CASP6: variants seen among roughly 807,000 people sequenced by gnomAD.
CASP6 encodes caspase 6, also known as caspase-6.
Under a neutral mutation model 31.8 loss-of-function variants are expected in CASP6, and 20 were observed. The observed-to-expected ratio is 0.63, with a 90% CI of 0.44 to 0.91. The LOEUF (loss-of-function observed/expected upper bound fraction) is 0.91. Among genes scored for constraint, CASP6 ranks in the 40% least tolerant of loss-of-function variants. CASP6 has a pLI of 0.00. For missense variants in CASP6, 328 were observed against 361.1 expected, an observed-to-expected ratio of 0.91 and a Z score of 0.74; for synonymous variants, 130 against 127.8, an observed-to-expected ratio of 1.02 and a Z score of -0.12.
chr4:109,673,055 C>A, the CASP6 span, among the ~76,000 whole-genome samples: 2 of 152,288 alleles, frequency 1.3e-5, no homozygotes, highest in South Asian at 2.1e-4. Context: ...TCAACACTTA[C>A]AAACTTGCTT....
the CASP6 span, among the ~76,000 whole-genome samples, chr4:109,677,802 ATTT>A: frequency 5.6e-3 from 487 of 86,590 alleles, no homozygotes; most frequent in African/African-American, 0.022. Context: ...AAGGAAACAA[ATTT>A]TTTTTTTTTT....
intron 5 of CASP6, 81 bp from the exon 6 acceptor site, chr4:109,691,090 C>T (rs955028466): frequency 7.1e-7 from 1 of 1,400,384 alleles, no homozygotes; most frequent in Non-Finnish European, 9.5e-7. Context: ...AATGTGTAAG[C>T]CAGTACCCCT....
chr4:109,664,479 C>T, the CASP6 span: 8 of 617,736 alleles, frequency 1.3e-5, no homozygotes, highest in Middle Eastern at 4.5e-4. Context: ...GGCTGGAGTA[C>T]AGTGACGTCG....
At chr4:109,681,093 A>T in the CASP6 span, among the ~76,000 whole-genome samples, 2 of 152,362 alleles carry the variant, frequency 1.3e-5, no homozygotes, top group Admixed American at 6.5e-5. Context: ...GACCCCTGTG[A>T]TAAGAGAGAT....
upstream of CASP6, among the ~76,000 whole-genome samples, chr4:109,707,387 A>ATT (rs570364377): frequency 0.012 from 1,606 of 136,330 alleles, 27 homozygotes; most frequent in African/African-American, 0.039. Flanking sequence ...TAACTCCTGG[A>ATT]TTTTTTTTTT....
the CASP6 span, among the ~76,000 whole-genome samples, chr4:109,670,934 G>A: frequency 0.37 from 55,946 of 151,812 alleles, 10,508 homozygotes; most frequent in African/African-American, 0.42. Flanking sequence ...TCCACGCTGA[G>A]CCTCCAGCAA....
the CASP6 span, among the ~76,000 whole-genome samples, chr4:109,682,122 G>A: frequency 0.025 from 3,837 of 152,282 alleles, 146 homozygotes; most frequent in African/African-American, 0.088. Context: ...AAAGGTGGAT[G>A]CGGTCACCTT....
upstream of CASP6, among the ~76,000 whole-genome samples, chr4:109,707,185 A>C (rs1224141101): frequency 6.6e-6 from 1 of 152,176 alleles, no homozygotes; most frequent in Non-Finnish European, 1.5e-5. Flanking sequence ...GAAACCAGAA[A>C]ATTTGTGTGA....
chr4:109,682,195 G>T, the CASP6 span, among the ~76,000 whole-genome samples: 1 of 152,208 alleles, frequency 6.6e-6, no homozygotes, highest in South Asian at 2.1e-4. Flanking sequence ...TCTCTCACGA[G>T]GTCTTTGTAA....
chr4:109,685,298 C>T, downstream of CASP6: 1 of 1,588,758 alleles, frequency 6.3e-7, no homozygotes, highest in Non-Finnish European at 8.6e-7. Context: ...TTCAGTTCTT[C>T]CACAAGAAAT....
chr4:109,697,500 T>G (rs1280813683), intron 3 of CASP6, 122 bp downstream of exon 3: 1 of 1,110,514 alleles, frequency 9.0e-7, no homozygotes, highest in Non-Finnish European at 1.3e-6. Context: ...CTCCTTGCCT[T>G]AAGTGATCCT....
At chr4:109,672,080 A>G in the CASP6 span, among the ~76,000 whole-genome samples, 1 of 151,764 alleles carries the variant, frequency 6.6e-6, no homozygotes, top group Non-Finnish European at 1.5e-5. Flanking sequence ...ATTATTAAAT[A>G]TATATATATT....
At chr4:109,666,122 T>C in the CASP6 span, among the ~76,000 whole-genome samples, 1 of 152,180 alleles carries the variant, frequency 6.6e-6, no homozygotes, top group Admixed American at 6.5e-5. Flanking sequence ...CTTTCATGTG[T>C]TTCAGAGCTT....
chr4:109,691,575 A>G (rs1440120295), intron 5 of CASP6, among the ~76,000 whole-genome samples: 2 of 151,676 alleles, frequency 1.3e-5, no homozygotes, highest in Non-Finnish European at 2.9e-5. Flanking sequence ...TTTACATTAA[A>G]TTTAGACTCA....
the CASP6 span, among the ~76,000 whole-genome samples, chr4:109,670,719 CAA>C: frequency 4.0e-5 from 5 of 124,992 alleles, no homozygotes; most frequent in Admixed American, 1.7e-4. Flanking sequence ...ACTCTGTCTC[CAA>C]AAAAAAAAAA....
In CASP6 at chr4:109,694,606, G is replaced by A. The variant is rs1428054291; in HGVS notation, c.402C>T (p.Ile134=). The A allele has an allele frequency of 1.1e-5, 17 of 1,612,390 alleles. No individual in the cohort carries two copies. The highest frequency in any genetic ancestry group is 1.0e-5 in the Non-Finnish European group (12 of 1,179,332). ...ACAAGCCAGTTAATGTCTGAATTTC[G>A]ATTTTAGCATCATATGCATAAATGT... The part of the protein sequence containing the change: ...GNHIYAYDAK[I]EIQTLTGLFK... The change falls in exon 5 of 7, where the codon ATC becomes ATT. Residue 134 remains isoleucine (I), a synonymous_variant. Coordinates refer to ENST00000265164, the MANE Select transcript of CASP6 (RefSeq NM_001226.4).
chr4:109,678,323 C>G, the CASP6 span, among the ~76,000 whole-genome samples: 1 of 152,188 alleles, frequency 6.6e-6, no homozygotes, highest in South Asian at 2.1e-4. Context: ...TCTCGATGGT[C>G]GCTGTCTCTT....
intron 1 of CASP6, among the ~76,000 whole-genome samples, chr4:109,702,102 GGAA>G (rs369682210): frequency 1.3e-5 from 2 of 152,184 alleles, no homozygotes; most frequent in Admixed American, 6.5e-5. Context: ...GTGCGGTGGA[GGAA>G]GAAGAGGAAG....
chr4:109,700,369 G>A (rs1730382515), intron 1 of CASP6, among the ~76,000 whole-genome samples: 1 of 152,154 alleles, frequency 6.6e-6, no homozygotes, highest in Non-Finnish European at 1.5e-5. Context: ...TGTTTAAAAT[G>A]ACGTTCTGGC....
Sources: gnomAD v4.1 joint callset for allele counts (sites outside exome capture counted in the v4.1 genomes callset) on GRCh38, gnomAD v4.1.1 for gene constraint, MANE v1.5 for transcripts, NCBI Gene and HGNC (gene_info 2026-07-23, HGNC 2026-07-21) for gene names.